IL1RAPL2: variants seen among roughly 807,000 people sequenced by gnomAD.
The protein encoded by IL1RAPL2 is interleukin 1 receptor accessory protein like 2, also known as X-linked interleukin-1 receptor accessory protein-like 2.
IL1RAPL2 carries 3 observed loss-of-function variants against 44.1 expected under a neutral mutation model. The observed-to-expected ratio is 0.07, with a 90% CI of 0.03 to 0.18. IL1RAPL2 has a LOEUF of 0.18. IL1RAPL2 is among the 10% of genes least tolerant of loss of function. The pLI, the probability that IL1RAPL2 is intolerant of heterozygous loss-of-function variation, is 1.00. For synonymous variants in IL1RAPL2, 181 were observed against 178.8 expected, an observed-to-expected ratio of 1.01 and a Z score of -0.10; for missense variants, 391 against 496.4, an observed-to-expected ratio of 0.79 and a Z score of 2.02.
chrX:105,709,865 T>G (rs2038194200), intron 6 of IL1RAPL2, among the ~76,000 whole-genome samples: 1 of 111,462 alleles, frequency 9.0e-6, no homozygotes, highest in Non-Finnish European at 1.9e-5. Flanking sequence ...CTAGATAAAA[T>G]TCAGTAACAG....
At chrX:105,600,101 T>C (rs1444642828) in intron 6 of IL1RAPL2, among the ~76,000 whole-genome samples, 2 of 110,896 alleles carry the variant, frequency 1.8e-5, no homozygotes, top group African/African-American at 6.5e-5. Context: ...TATCTACAAG[T>C]TGGCTTTTGT....
chrX:105,351,822 A>G (rs2035157730), intron 5 of IL1RAPL2, among the ~76,000 whole-genome samples: 1 of 112,198 alleles, frequency 8.9e-6, no homozygotes, highest in Admixed American at 9.5e-5. Context: ...AATATCTTTT[A>G]TTTTATATAG....
In IL1RAPL2 at chrX:104,566,843, G is replaced by C. The variant is rs994684745; in HGVS notation, c.-228G>C. 5 of 112,623 alleles carry C rather than the reference G, an allele frequency of 4.4e-5. No homozygotes were observed. The highest frequency in any genetic ancestry group is 1.6e-4 in the African/African-American group (5 of 31,035). The allele number at this position is 112,623 out of a possible 1,213,427, so 9.3% of individuals were successfully genotyped here. On this transcript the variant is annotated 5_prime_UTR_variant, in exon 1 of 11. Transcript: ENST00000372582. ...GGGAAGTTTACTAGTATCCTCTTTG[G>C]CTAAGACAGGGAGTGGAAAAAACAG...
intron 2 of IL1RAPL2, among the ~76,000 whole-genome samples, chrX:104,745,747 T>C (rs1399283829): frequency 8.9e-6 from 1 of 111,863 alleles, no homozygotes; most frequent in Admixed American, 9.5e-5. Flanking sequence ...AATTCTTTAG[T>C]GGCACTTGGG....
intron 2 of IL1RAPL2, among the ~76,000 whole-genome samples, chrX:105,186,743 T>G (rs1265194125): frequency 8.9e-6 from 1 of 111,853 alleles, no homozygotes; most frequent in Non-Finnish European, 1.9e-5. Context: ...GAACAAACAT[T>G]TCTGAAAAAC....
chrX:105,710,852 T>C (rs1161618265), intron 6 of IL1RAPL2, among the ~76,000 whole-genome samples: 1 of 107,951 alleles, frequency 9.3e-6, no homozygotes, highest in Admixed American at 1.0e-4. Flanking sequence ...TGCAAGTGGG[T>C]ACTTGATATA....
At chrX:105,753,525 G>A (rs1163953490) in intron 9 of IL1RAPL2, among the ~76,000 whole-genome samples, 1 of 111,569 alleles carries the variant, frequency 9.0e-6, no homozygotes, top group Non-Finnish European at 1.9e-5. Flanking sequence ...GCTGGAGAAA[G>A]TCAGGGGCCT....
chrX:104,822,068 C>T (rs1430561872), intron 2 of IL1RAPL2, among the ~76,000 whole-genome samples: 1 of 111,724 alleles, frequency 9.0e-6, no homozygotes, highest in Non-Finnish European at 1.9e-5. Flanking sequence ...TGTTCATATC[C>T]TTTGCCCAGT....
chrX:104,950,868 C>G (rs757116986), intron 2 of IL1RAPL2, among the ~76,000 whole-genome samples: 2 of 110,960 alleles, frequency 1.8e-5, no homozygotes, highest in Admixed American at 1.9e-4. Flanking sequence ...CCACCTCGCC[C>G]GGCTAATTCT....
chrX:104,594,375 T>C, intron 1 of IL1RAPL2, among the ~76,000 whole-genome samples: 1 of 111,971 alleles, frequency 8.9e-6, no homozygotes, highest in East Asian at 2.8e-4. Flanking sequence ...TCAGTGTGTC[T>C]TACTTGCCTA....
rs1010607281 is a variant in IL1RAPL2, at chrX:104,744,776, T to G, written c.82+85781T>G. On this transcript the variant is annotated intron_variant, in intron 2 of 10. Transcript: ENST00000372582. Reference sequence around the variant, plus strand: ...TGATTTCTTTATCTAGATTTTATTATAATTAATTTAAAAATCTCCTTGAAA... The same window carrying G: ...TGATTTCTTTATCTAGATTTTATTAGAATTAATTTAAAAATCTCCTTGAAA... 6.3e-5 allele frequency among the ~76,000 whole-genome samples: 7 copies of G among 111,419 alleles called. No individual in the cohort carries two copies. The Admixed American group carries it at 6.7e-4, about 11-fold the overall frequency.
chrX:105,111,065 T>C (rs183146362), intron 2 of IL1RAPL2, among the ~76,000 whole-genome samples: 9 of 112,248 alleles, frequency 8.0e-5, no homozygotes, highest in Non-Finnish European at 1.7e-4. Context: ...TTACACTGGC[T>C]TTGGAAAAGA....
intron 2 of IL1RAPL2, among the ~76,000 whole-genome samples, chrX:105,018,367 A>G (rs2031223258): frequency 9.0e-6 from 1 of 111,017 alleles, no homozygotes; most frequent in African/African-American, 3.3e-5. Flanking sequence ...CCTTCCTCCT[A>G]CCTTTCTATC....
chrX:105,540,634 G>A lies in IL1RAPL2; in HGVS notation c.772+56247G>A, dbSNP rs768099747. 1.3e-3 allele frequency among the ~76,000 whole-genome samples: 139 copies of A among 105,269 alleles called. 1 individual carries two copies. The highest frequency in any genetic ancestry group is 2.3e-3 in the Admixed American group (21 of 9,189). The allele number at this position is 105,269 out of a possible 115,157, so 91.4% of individuals were successfully genotyped here. On this transcript the variant is annotated intron_variant, in intron 6 of 10. Coordinates refer to ENST00000372582, the MANE Select transcript of IL1RAPL2 (RefSeq NM_017416.2). ...ATTTTTCTCCACCTCATTCTGCTCCGTTGAATTTCTGACTCATATCTAACT... is the reference window on the plus strand; with the variant it reads ...ATTTTTCTCCACCTCATTCTGCTCCATTGAATTTCTGACTCATATCTAACT...
At chrX:105,738,956 T>A (rs7067165) in intron 7 of IL1RAPL2, among the ~76,000 whole-genome samples, 6,780 of 109,987 alleles carry the variant, frequency 0.062, 523 homozygotes, top group African/African-American at 0.21. Flanking sequence ...TGTTAGCATT[T>A]TTGGGGGATT....
intron 6 of IL1RAPL2, among the ~76,000 whole-genome samples, chrX:105,697,566 A>G (rs2038087179): frequency 9.1e-6 from 1 of 110,463 alleles, no homozygotes; most frequent in Middle Eastern, 4.7e-3. Context: ...ACTATAGCGG[A>G]CATGGTAGCT....
intron 6 of IL1RAPL2, among the ~76,000 whole-genome samples, chrX:105,685,356 T>C: frequency 1.8e-5 from 2 of 111,743 alleles, no homozygotes; most frequent in Middle Eastern, 9.2e-3. Flanking sequence ...GTAGAGAAGA[T>C]CTTAAATGAC....
chrX:105,395,758 A>T (rs758923523), intron 5 of IL1RAPL2, among the ~76,000 whole-genome samples: 1 of 112,228 alleles, frequency 8.9e-6, no homozygotes, highest in Non-Finnish European at 1.9e-5. Flanking sequence ...TCAAAAATTC[A>T]GATGTCATCC....
At chrX:105,631,367 C>T (rs2037490750) in intron 6 of IL1RAPL2, among the ~76,000 whole-genome samples, 1 of 111,727 alleles carries the variant, frequency 9.0e-6, no homozygotes, top group Non-Finnish European at 1.9e-5. Flanking sequence ...GCCGAGAATT[C>T]AGATTAGGCA....
Sources: gnomAD v4.1 joint callset for allele counts (sites outside exome capture counted in the v4.1 genomes callset) on GRCh38, gnomAD v4.1.1 for gene constraint, MANE v1.5 for transcripts, NCBI Gene and HGNC (gene_info 2026-07-23, HGNC 2026-07-21) for gene names.